Variants in TMPRSS15 observed in about 807,000 individuals in gnomAD.
The protein encoded by TMPRSS15 is transmembrane serine protease 15, also known as enteropeptidase.
Under a neutral mutation model 125.3 loss-of-function variants are expected in TMPRSS15, and 128 were observed. That is an observed-to-expected ratio of 1.02 (90% confidence interval 0.89 to 1.18). TMPRSS15 has a LOEUF of 1.18. Ranked by LOEUF, TMPRSS15 falls within the 50% of genes most tolerant of loss-of-function variation. TMPRSS15 has a pLI of 0.00. For synonymous variants in TMPRSS15, 446 were observed against 423.2 expected, an observed-to-expected ratio of 1.05 and a Z score of -0.66; for missense variants, 1,283 against 1,212.7, an observed-to-expected ratio of 1.06 and a Z score of -0.86.
chr21:18,470,884 A>G (rs1015915458), intron 1 of TMPRSS15, among the ~76,000 whole-genome samples: 1 of 152,068 alleles, frequency 6.6e-6, no homozygotes, highest in African/African-American at 2.4e-5. Context: ...CTCTTTGTGG[A>G]AAAAAGTATC....
chr21:18,335,009 A>G (rs2075378659), intron 13 of TMPRSS15, among the ~76,000 whole-genome samples: 1 of 152,226 alleles, frequency 6.6e-6, no homozygotes, highest in Non-Finnish European at 1.5e-5. Context: ...AACAATGGAG[A>G]ACAAGGGCAA....
chr21:18,413,579 GCTAA>G (rs1413334036), intron 1 of TMPRSS15, among the ~76,000 whole-genome samples: 1 of 140,830 alleles, frequency 7.1e-6, no homozygotes, highest in African/African-American at 2.7e-5. Context: ...ACCACACCTG[GCTAA>G]CTTTTTTTTT....
intron 1 of TMPRSS15, among the ~76,000 whole-genome samples, chr21:18,468,608 A>G (rs570353122): frequency 6.6e-6 from 1 of 152,152 alleles, no homozygotes; most frequent in African/African-American, 2.4e-5. Context: ...TTTATTATAT[A>G]CATTTAGAAG....
rs749506886 is a variant in TMPRSS15, at chr21:18,315,231, T to C, written c.1947A>G (p.Gln649=). The change falls in exon 17 of 25, where the codon CAA becomes CAG. Residue 649 remains glutamine (Q), a synonymous_variant. Coordinates refer to ENST00000284885, the MANE Select transcript of TMPRSS15 (RefSeq NM_002772.3). ...GTGGAACACACTCTCCATTTTTACATTGAAAATGGTCTGCCTTGCATGGCT... is the reference window on the plus strand; with the variant it reads ...GTGGAACACACTCTCCATTTTTACACTGAAAATGGTCTGCCTTGCATGGCT... ...IPEPCKADHF[Q]CKNGECVPLV... The C allele has an allele frequency of 6.2e-5, 100 of 1,613,458 alleles. No homozygotes were observed. In the Middle Eastern group the frequency reaches 6.6e-4, roughly 11 times the overall value.
intron 1 of TMPRSS15, among the ~76,000 whole-genome samples, chr21:18,479,791 G>C (rs1375501457): frequency 6.6e-6 from 1 of 152,084 alleles, no homozygotes; most frequent in Admixed American, 6.6e-5. Context: ...ATATTGGTGG[G>C]ATGGTAAATT....
At chr21:18,340,946 G>T (rs911316098) in intron 13 of TMPRSS15, among the ~76,000 whole-genome samples, 1 of 152,074 alleles carries the variant, frequency 6.6e-6, no homozygotes, top group African/African-American at 2.4e-5. Flanking sequence ...GTAATATTTT[G>T]CTAGCCTCCA....
At chr21:18,446,062 A>G (rs1324513800) in intron 1 of TMPRSS15, among the ~76,000 whole-genome samples, 1 of 152,232 alleles carries the variant, frequency 6.6e-6, no homozygotes, top group African/African-American at 2.4e-5. Flanking sequence ...GGAAAACCTC[A>G]AGACTCAACC....
At chr21:18,354,524 T>C (rs936422836) in intron 8 of TMPRSS15, among the ~76,000 whole-genome samples, 1 of 151,832 alleles carries the variant, frequency 6.6e-6, no homozygotes, top group Non-Finnish European at 1.5e-5. Context: ...AATTTGCTTT[T>C]ATGAAAATGT....
At chr21:18,280,366 A>G (rs560909420) in intron 22 of TMPRSS15, among the ~76,000 whole-genome samples, 30 of 152,120 alleles carry the variant, frequency 2.0e-4, no homozygotes, top group African/African-American at 7.0e-4. Flanking sequence ...CACAAGGTCA[A>G]GAGATCGAGA....
At chr21:18,396,823 T>C (rs2076044534) in intron 3 of TMPRSS15, among the ~76,000 whole-genome samples, 1 of 145,528 alleles carries the variant, frequency 6.9e-6, no homozygotes, top group Non-Finnish European at 1.5e-5. Context: ...TCTATCTATC[T>C]ATCTATCTAT....
intron 5 of TMPRSS15, among the ~76,000 whole-genome samples, chr21:18,378,908 C>G (rs2075867185): frequency 6.6e-6 from 1 of 152,048 alleles, no homozygotes; most frequent in Non-Finnish European, 1.5e-5. Context: ...CAGGAGAAAG[C>G]AAGCATGTCT....
chr21:18,312,709 T>C (rs190613650), intron 18 of TMPRSS15, among the ~76,000 whole-genome samples: 31 of 151,888 alleles, frequency 2.0e-4, no homozygotes, highest in Middle Eastern at 3.4e-3. Flanking sequence ...TATAACAGAG[T>C]ATATTGTATT....
intron 21 of TMPRSS15, among the ~76,000 whole-genome samples, chr21:18,292,183 A>AG (rs1191513872): frequency 2.0e-5 from 3 of 152,234 alleles, no homozygotes; most frequent in African/African-American, 7.2e-5. Flanking sequence ...ATGGAATAAT[A>AG]AATTTTGTCA....
chr21:18,404,515 G>T (rs1230906308), upstream of TMPRSS15, among the ~76,000 whole-genome samples: 11 of 152,062 alleles, frequency 7.2e-5, no homozygotes, highest in African/African-American at 2.4e-4. Flanking sequence ...ATGCTTTATG[G>T]AAAAATCAAA....
intron 5 of TMPRSS15, among the ~76,000 whole-genome samples, chr21:18,376,422 T>G (rs571781102): frequency 1.3e-5 from 2 of 152,306 alleles, no homozygotes; most frequent in African/African-American, 4.8e-5. Context: ...TCTCTGCATC[T>G]CAGTCTTGAA....
intron 12 of TMPRSS15, among the ~76,000 whole-genome samples, chr21:18,341,999 G>T (rs2075451271): frequency 6.6e-6 from 1 of 152,268 alleles, no homozygotes; most frequent in Non-Finnish European, 1.5e-5. Context: ...AACACACTGG[G>T]GGTGAAGGGG....
chr21:18,448,493 C>T (rs776224052), intron 1 of TMPRSS15, among the ~76,000 whole-genome samples: 7 of 151,988 alleles, frequency 4.6e-5, no homozygotes, highest in Admixed American at 1.3e-4. Context: ...TTATAATGAC[C>T]GAATCTGACA....
At chr21:18,422,683 G>T (rs934334236) in intron 1 of TMPRSS15, among the ~76,000 whole-genome samples, 5 of 152,166 alleles carry the variant, frequency 3.3e-5, no homozygotes, top group Admixed American at 6.5e-5. Flanking sequence ...ATAGCCTACG[G>T]TATCAAAGCC....
In TMPRSS15 at chr21:18,372,483, T is replaced by C. The variant is rs566690729; in HGVS notation, c.533-159A>G. 4.3e-3 allele frequency among the ~76,000 whole-genome samples: 657 copies of C among 152,306 alleles called. 2 individuals carry two copies. Among genetic ancestry groups the C allele is most frequent in the Non-Finnish European group, 7.9e-3 (535 of 68,028 alleles). ...TTTGCAAATCAATCATTTGTAAAATTAGAGCATTTTAAATTTTGAAATTTC... is the reference window on the plus strand; with the variant it reads ...TTTGCAAATCAATCATTTGTAAAATCAGAGCATTTTAAATTTTGAAATTTC... On this transcript the variant is annotated intron_variant, in intron 5 of 24. Coordinates refer to ENST00000284885, the MANE Select transcript of TMPRSS15 (RefSeq NM_002772.3).
Sources: gnomAD v4.1 joint callset for allele counts (sites outside exome capture counted in the v4.1 genomes callset) on GRCh38, gnomAD v4.1.1 for gene constraint, MANE v1.5 for transcripts, NCBI Gene and HGNC (gene_info 2026-07-23, HGNC 2026-07-21) for gene names.